OPRM1: variants seen among roughly 807,000 people sequenced by gnomAD.
The protein encoded by OPRM1 is opioid receptor mu 1.
In OPRM1, 27 loss-of-function variants were observed where a neutral mutation model predicts 31.8. The observed-to-expected ratio is 0.85, with a 90% CI of 0.63 to 1.17. The LOEUF (loss-of-function observed/expected upper bound fraction) is 1.17. Among genes scored for constraint, OPRM1 ranks in the 50% most tolerant of loss-of-function variants. OPRM1 has a pLI of 0.00. For missense variants in OPRM1, 536 were observed against 511.1 expected, an observed-to-expected ratio of 1.05 and a Z score of -0.47; for synonymous variants, 196 against 189.9, an observed-to-expected ratio of 1.03 and a Z score of -0.26.
At chr6:154,181,669 G>A (rs541390339) in intron 3 of OPRM1, among the ~76,000 whole-genome samples, 5 of 152,124 alleles carry the variant, frequency 3.3e-5, no homozygotes, top group Non-Finnish European at 7.3e-5. Context: ...ATCCCCACCC[G>A]GAGCCTCTGC....
chr6:154,014,417 G>C (rs1243648081), intron 1 of OPRM1, among the ~76,000 whole-genome samples: 2 of 152,114 alleles, frequency 1.3e-5, no homozygotes, highest in Non-Finnish European at 2.9e-5. Context: ...GCAGGCTGCT[G>C]GTTGTCATTA....
At chr6:154,139,664 T>C (rs548339) in intron 3 of OPRM1, among the ~76,000 whole-genome samples, 100,832 of 151,948 alleles carry the variant, frequency 0.66, 33,827 homozygotes, top group East Asian at 0.9. Flanking sequence ...TCACTATGGC[T>C]GCAGCTGGGC....
At chr6:154,101,851 T>A (rs1040614713) in intron 3 of OPRM1, among the ~76,000 whole-genome samples, 7 of 152,260 alleles carry the variant, frequency 4.6e-5, no homozygotes, top group African/African-American at 2.4e-5. Context: ...TAAACATATG[T>A]AAATTTAATT....
chr6:154,226,759 T>C (rs1470079969), intron 3 of OPRM1, among the ~76,000 whole-genome samples: 1 of 152,182 alleles, frequency 6.6e-6, no homozygotes, highest in Non-Finnish European at 1.5e-5. Context: ...CTGCATGGTG[T>C]CCAGCTGCCC....
intron 1 of OPRM1, among the ~76,000 whole-genome samples, chr6:154,052,961 G>T (rs934760002): frequency 2.0e-5 from 3 of 152,144 alleles, no homozygotes; most frequent in African/African-American, 7.2e-5. Flanking sequence ...AGAGCATATT[G>T]CTCTTCTGGA....
At chr6:154,105,885 G>C (rs987030305) in intron 3 of OPRM1, among the ~76,000 whole-genome samples, 2 of 152,084 alleles carry the variant, frequency 1.3e-5, no homozygotes, top group Admixed American at 6.6e-5. Flanking sequence ...AAACCTTATA[G>C]ACATATTTAC....
chr6:154,172,563 G>A (rs1799962140), intron 3 of OPRM1, among the ~76,000 whole-genome samples: 1 of 152,204 alleles, frequency 6.6e-6, no homozygotes, highest in Non-Finnish European at 1.5e-5. Context: ...AGATTGTCCT[G>A]GGATGCTGGA....
intron 1 of OPRM1, among the ~76,000 whole-genome samples, chr6:154,088,203 G>A (rs983151120): frequency 6.6e-6 from 1 of 152,040 alleles, no homozygotes; most frequent in African/African-American, 2.4e-5. Context: ...AGTGAAAGAA[G>A]CAGCACAAAA....
intron 3 of OPRM1, among the ~76,000 whole-genome samples, chr6:154,140,342 T>A (rs1002175592): frequency 2.1e-4 from 32 of 150,268 alleles, no homozygotes; most frequent in African/African-American, 6.5e-4. Flanking sequence ...ATTTTTTTTT[T>A]TTTTTTGAGA....
chr6:154,059,917 A>C (rs188857214), intron 1 of OPRM1, among the ~76,000 whole-genome samples: 3 of 152,270 alleles, frequency 2.0e-5, no homozygotes, highest in Non-Finnish European at 4.4e-5. Flanking sequence ...GAGCTTTTTT[A>C]ATTATTTTGA....
At chr6:154,210,356 A>G (rs564324523) in intron 3 of OPRM1, among the ~76,000 whole-genome samples, 1 of 152,332 alleles carries the variant, frequency 6.6e-6, no homozygotes, top group African/African-American at 2.4e-5. Flanking sequence ...CTTGAGGAAA[A>G]AATGGAGGGA....
At chr6:154,041,388 C>A (rs1780029141) in intron 1 of OPRM1, among the ~76,000 whole-genome samples, 1 of 152,062 alleles carries the variant, frequency 6.6e-6, no homozygotes, top group Admixed American at 6.6e-5. Flanking sequence ...AGATTAAAAA[C>A]CAAGTTTAAT....
rs145700569 is a variant in OPRM1 at position 154,089,919 on chromosome 6, G to A, written c.384G>A (p.Val128=). Residue 128 remains valine, a synonymous_variant, in exon 2 of 4, where the codon GTG becomes GTA. Coordinates refer to ENST00000330432, the MANE Select transcript of OPRM1 (RefSeq NM_000914.5). ...CCAGTACCCTGCCCTTCCAGAGTGTGAATTACCTAATGGGAACATGGCCAT... is the reference window on the plus strand; with the variant it reads ...CCAGTACCCTGCCCTTCCAGAGTGTAAATTACCTAATGGGAACATGGCCAT... ...LATSTLPFQS[V]NYLMGTWPFG... is the part of the protein sequence containing the mutation. 3 of 1,613,930 alleles carry A rather than the reference G, an allele frequency of 1.9e-6. No individual in the cohort carries two copies. Among genetic ancestry groups the A allele is most frequent in the Non-Finnish European group, 2.5e-6 (3 of 1,179,974 alleles).
intron 3 of OPRM1, among the ~76,000 whole-genome samples, chr6:154,144,710 T>C (rs1378145384): frequency 7.2e-6 from 1 of 139,486 alleles, no homozygotes; most frequent in Non-Finnish European, 1.5e-5. Context: ...ATCGCGCCAT[T>C]GCACTCCAGC....
At chr6:154,088,921 CCT>C (rs1791312920) in intron 1 of OPRM1, among the ~76,000 whole-genome samples, 1 of 152,162 alleles carries the variant, frequency 6.6e-6, no homozygotes, top group South Asian at 2.1e-4. Context: ...CTCTCTGTTA[CCT>C]CTCTGTCTAG....
intron 3 of OPRM1, among the ~76,000 whole-genome samples, chr6:154,153,684 CAAAAA>C: frequency 1.1e-5 from 1 of 89,494 alleles, no homozygotes; most frequent in South Asian, 3.4e-4. Context: ...AACTCTATCT[CAAAAA>C]AAAAAAAAAA....
At chr6:154,091,520 A>G in intron 3 of OPRM1, 48 bp downstream of exon 3, 1 of 1,553,192 alleles carries the variant, frequency 6.4e-7, no homozygotes, top group Non-Finnish European at 8.6e-7. Context: ...TGACATAAAA[A>G]TTATAAGGCT....
chr6:154,133,838 A>C (rs604844), downstream of OPRM1, among the ~76,000 whole-genome samples: 1 of 151,994 alleles, frequency 6.6e-6, no homozygotes, highest in Admixed American at 6.5e-5. Context: ...ACTGACTGCT[A>C]TTCTTGACCC....
upstream of OPRM1, among the ~76,000 whole-genome samples, chr6:154,036,813 T>C (rs995661418): frequency 4.6e-5 from 7 of 151,916 alleles, no homozygotes; most frequent in African/African-American, 1.7e-4. Flanking sequence ...AAATATATGC[T>C]AATCATTTTT....
Sources: gnomAD v4.1 joint callset for allele counts (sites outside exome capture counted in the v4.1 genomes callset) on GRCh38, gnomAD v4.1.1 for gene constraint, MANE v1.5 for transcripts, NCBI Gene and HGNC (gene_info 2026-07-23, HGNC 2026-07-21) for gene names.